Variants in PARPBP observed in about 807,000 individuals in gnomAD.
The protein encoded by PARPBP is PCNA-interacting partner.
In PARPBP, 52 loss-of-function variants were observed where a neutral mutation model predicts 50.0. That is an observed-to-expected ratio of 1.04 (90% CI 0.83 to 1.31). The LOEUF is 1.31. Among genes scored for constraint, PARPBP ranks in the 50% most tolerant of loss-of-function variants. The pLI, the probability that PARPBP is intolerant of heterozygous loss-of-function variation, is 0.00. For synonymous variants in PARPBP, 244 were observed against 232.1 expected, an observed-to-expected ratio of 1.05 and a Z score of -0.47; for missense variants, 697 against 672.0, an observed-to-expected ratio of 1.04 and a Z score of -0.41.
At chr12:102,175,385 C>T (rs1806355071) in intron 6 of PARPBP, 98 bp from the exon 7 acceptor site, 1 of 738,766 alleles carries the variant, frequency 1.4e-6, no homozygotes, top group African/African-American at 1.8e-5. Context: ...AAGCTATATT[C>T]TTTGAAAAGT....
chr12:102,120,836 A>T (rs1565842376), intron 1 of PARPBP, among the ~76,000 whole-genome samples: 1 of 152,182 alleles, frequency 6.6e-6, no homozygotes, highest in Non-Finnish European at 1.5e-5. Context: ...GAGATTTTAA[A>T]TACCGAAGGA....
At chr12:102,184,097 A>G (rs986208503) in intron 9 of PARPBP, among the ~76,000 whole-genome samples, 1 of 151,294 alleles carries the variant, frequency 6.6e-6, no homozygotes, top group African/African-American at 2.4e-5. Context: ...ATAAGGAAAA[A>G]TCACTGACAG....
At chr12:102,122,853 A>C (rs1881371482) in intron 1 of PARPBP, among the ~76,000 whole-genome samples, 1 of 152,240 alleles carries the variant, frequency 6.6e-6, no homozygotes, top group South Asian at 2.1e-4. Context: ...GAGTGAGGTA[A>C]TCAATATTAA....
chr12:102,141,999 G>A (rs905839365), intron 2 of PARPBP, among the ~76,000 whole-genome samples: 4 of 152,188 alleles, frequency 2.6e-5, no homozygotes, highest in Non-Finnish European at 5.9e-5. Flanking sequence ...TCTTTGTGGA[G>A]TTCTCTGTAT....
intron 4 of PARPBP, among the ~76,000 whole-genome samples, chr12:102,163,251 G>A (rs887285323): frequency 3.3e-5 from 5 of 151,688 alleles, no homozygotes; most frequent in African/African-American, 9.7e-5. Flanking sequence ...TATTGTAATC[G>A]TATAGTAATT....
intron 10 of PARPBP, 152 bp downstream of exon 10, chr12:102,195,599 C>T: frequency 1.6e-6 from 1 of 612,110 alleles, no homozygotes; most frequent in Non-Finnish European, 2.8e-6. Context: ...AAAGTTAAAT[C>T]TAAGTACAAA....
intron 9 of PARPBP, among the ~76,000 whole-genome samples, chr12:102,192,859 AAAG>A (rs1246416828): frequency 6.6e-6 from 1 of 152,078 alleles, no homozygotes; most frequent in Non-Finnish European, 1.5e-5. Context: ...GATTAAAAAA[AAAG>A]AGATTTTTGT....
chr12:102,182,114 A>G (rs1889882117), intron 8 of PARPBP, among the ~76,000 whole-genome samples: 1 of 152,176 alleles, frequency 6.6e-6, no homozygotes. Flanking sequence ...CATTCAGTAG[A>G]AACTGTGCCT....
chr12:102,192,968 T>C (rs937283303), intron 9 of PARPBP, among the ~76,000 whole-genome samples: 6 of 151,668 alleles, frequency 4.0e-5, no homozygotes, highest in Non-Finnish European at 5.9e-5. Context: ...TTATTTCTTA[T>C]ATTTTAATAT....
chr12:102,161,651 T>C (rs1318694677), intron 4 of PARPBP, among the ~76,000 whole-genome samples: 1 of 152,102 alleles, frequency 6.6e-6, no homozygotes, highest in Non-Finnish European at 1.5e-5. Flanking sequence ...CTAGGCATGG[T>C]GGCTCATGCC....
intron 5 of PARPBP, 73 bp from the exon 6 acceptor site, chr12:102,165,656 A>G (rs1888063120): frequency 1.7e-6 from 2 of 1,169,762 alleles, no homozygotes; most frequent in East Asian, 2.4e-5. Context: ...ATATAGATTT[A>G]CTTAGCTTTA....
rs1376800432 is a variant in PARPBP, at chr12:102,190,471, C to CCCT, written c.1264-4841_1264-4840insCCT. 2.6e-5 allele frequency among the ~76,000 whole-genome samples: 4 copies of CCCT among 152,244 alleles called. No individual in the cohort carries two copies. The East Asian group carries it at 7.7e-4, about 29-fold the overall frequency. On this transcript the variant is annotated intron_variant, in intron 9 of 10. Transcript: ENST00000327680. ...AAGCCACTGGCCTACCCTGAAACCCCTTCAACCTTGATTTTGTTTCATACT... is the reference window on the plus strand; with the variant it reads ...AAGCCACTGGCCTACCCTGAAACCCCCCTTTCAACCTTGATTTTGTTTCATACT...
At chr12:102,172,017 G>C (rs937009314) in intron 6 of PARPBP, among the ~76,000 whole-genome samples, 6 of 152,174 alleles carry the variant, frequency 3.9e-5, no homozygotes, top group Admixed American at 3.9e-4. Flanking sequence ...ATTTAGGAAA[G>C]TGAAGAACTC....
chr12:102,127,796 A>G (rs1373960298), intron 2 of PARPBP, among the ~76,000 whole-genome samples: 1 of 152,226 alleles, frequency 6.6e-6, no homozygotes, highest in East Asian at 1.9e-4. Context: ...TATTATGGCT[A>G]AGAGTAAATG....
intron 8 of PARPBP, among the ~76,000 whole-genome samples, chr12:102,179,205 G>A (rs570413977): frequency 6.6e-6 from 1 of 152,040 alleles, no homozygotes; most frequent in Admixed American, 6.6e-5. Flanking sequence ...AATTAGCAAG[G>A]GTGTCTTTCT....
At position 102,196,091 on chromosome 12, in the gene PARPBP, G is replaced by T. The variant is rs1329132608; in HGVS notation, c.1540G>T (p.Asp514Tyr). The part of the protein sequence containing the change: ...GNKSSKRKQV[D>Y]LDGENILCDN... Reference sequence around the variant, plus strand: ...TAAAAGCTCAAAAAGGAAACAGGTGGATTTGGATGGTGAAAATATTCTCTG... The same window carrying T: ...TAAAAGCTCAAAAAGGAAACAGGTGTATTTGGATGGTGAAAATATTCTCTG... Residue 514 changes from aspartate to tyrosine, a missense_variant, in exon 11 of 11, where the codon GAT (aspartate) becomes TAT (tyrosine). Transcript: ENST00000327680. 1.2e-6 allele frequency: 2 copies of T among 1,611,814 alleles called. No homozygotes were observed. Among genetic ancestry groups the T allele is most frequent in the Non-Finnish European group, 1.7e-6 (2 of 1,178,642 alleles).
chr12:102,166,829 T>C (rs1888189984), intron 6 of PARPBP, among the ~76,000 whole-genome samples: 2 of 152,152 alleles, frequency 1.3e-5, no homozygotes, highest in Non-Finnish European at 2.9e-5. Flanking sequence ...TCTTCTCATA[T>C]GGATATCCAT....
At chr12:102,182,439 G>A in intron 8 of PARPBP, 110 bp from the exon 9 acceptor site, 1 of 718,314 alleles carries the variant, frequency 1.4e-6, no homozygotes, top group Non-Finnish European at 2.4e-6. Context: ...CCCATCATAA[G>A]TTGAGGAAAA....
At position 102,175,614 on chromosome 12, in the gene PARPBP, A is replaced by G. The variant is rs745551956; in HGVS notation, c.953A>G (p.Asn318Ser). 3 of 1,613,654 alleles carry G rather than the reference A, an allele frequency of 1.9e-6. No individual in the cohort carries two copies. The South Asian group carries it at 3.3e-5, about 18-fold the overall frequency. ...GATTTGAGGATTAAAAATATTATCA[A>G]TTCTCAAGAAGGTGTTGTAGCTCTT... Reference protein sequence around the residue: ...DLDLRIKNIINSQEGVVALST... With the variant: ...DLDLRIKNIISSQEGVVALST... The change falls in exon 7 of 11, where the codon AAT becomes AGT. Residue 318 changes from asparagine to serine, a missense_variant. By Grantham distance (46) the Asn-to-Ser change is conservative. Coordinates refer to ENST00000327680, the MANE Select transcript of PARPBP (RefSeq NM_017915.5).
Sources: gnomAD v4.1 joint callset for allele counts (sites outside exome capture counted in the v4.1 genomes callset) on GRCh38, gnomAD v4.1.1 for gene constraint, MANE v1.5 for transcripts, NCBI Gene and HGNC (gene_info 2026-07-23, HGNC 2026-07-21) for gene names.